PTPRD: variants seen among roughly 807,000 people sequenced by gnomAD.
PTPRD encodes the protein protein tyrosine phosphatase receptor type D.
PTPRD carries 34 observed loss-of-function variants against 214.5 expected under a neutral mutation model. That is an observed-to-expected ratio of 0.16 (90% CI 0.12 to 0.21). PTPRD has a LOEUF of 0.21. Ranked by LOEUF, PTPRD falls within the 10% of genes least tolerant of loss-of-function variation. PTPRD has a pLI of 1.00. For missense variants in PTPRD, 2,545 were observed against 2,398.7 expected (o/e 1.06, Z -1.27); for synonymous variants, 1,128 against 845.7 (o/e 1.33, Z -5.79).
At chr9:9,278,708 C>T (rs972902098) in intron 9 of PTPRD, among the ~76,000 whole-genome samples, 3 of 151,190 alleles carry the variant, frequency 2.0e-5, no homozygotes, top group Admixed American at 6.6e-5. Context: ...GTCAGACCTG[C>T]GGAATTCTCT....
chr9:10,097,133 T>C (rs1470500126), intron 3 of PTPRD, among the ~76,000 whole-genome samples: 6 of 146,586 alleles, frequency 4.1e-5, no homozygotes, highest in Non-Finnish European at 6.1e-5. Context: ...CTGTTTTGGT[T>C]ACTGTAGCCT....
chr9:9,643,797 T>A (rs2096054884), intron 7 of PTPRD, among the ~76,000 whole-genome samples: 1 of 152,312 alleles, frequency 6.6e-6, no homozygotes, highest in African/African-American at 2.4e-5. Context: ...AAGCTACTTT[T>A]CCCAAAACTC....
chr9:9,694,286 A>C (rs1210443911), intron 7 of PTPRD, among the ~76,000 whole-genome samples: 1 of 150,686 alleles, frequency 6.6e-6, no homozygotes, highest in Non-Finnish European at 1.5e-5. Context: ...CCCAAGCATA[A>C]TCCTGTGGTT....
chr9:8,822,117 G>C (rs2097081034), intron 11 of PTPRD, among the ~76,000 whole-genome samples: 1 of 152,202 alleles, frequency 6.6e-6, no homozygotes, highest in African/African-American at 2.4e-5. Context: ...GTTTTGCTTA[G>C]TAAGCATTTT....
At chr9:9,853,229 G>A (rs1260153814) in intron 5 of PTPRD, among the ~76,000 whole-genome samples, 1 of 152,214 alleles carries the variant, frequency 6.6e-6, no homozygotes, top group East Asian at 1.9e-4. Context: ...ATGGTTATAA[G>A]CAGCATAGGA....
intron 6 of PTPRD, among the ~76,000 whole-genome samples, chr9:9,741,303 CAG>C (rs2098398500): frequency 6.6e-6 from 1 of 151,950 alleles, no homozygotes; most frequent in African/African-American, 2.4e-5. Context: ...AAGAAGGACA[CAG>C]AATTAATAAC....
intron 11 of PTPRD, among the ~76,000 whole-genome samples, chr9:8,805,253 AAAAATTTGAGT>A (rs2096652302): frequency 6.6e-6 from 1 of 152,024 alleles, no homozygotes; most frequent in Non-Finnish European, 1.5e-5. Flanking sequence ...CTAAAGTTCC[AAAAATTTGAGT>A]AGCTCAAGTC....
chr9:9,465,354 G>T (rs1405002092), intron 8 of PTPRD, among the ~76,000 whole-genome samples: 1 of 152,172 alleles, frequency 6.6e-6, no homozygotes, highest in East Asian at 1.9e-4. Flanking sequence ...TAATGAATTT[G>T]CTTGAATCCC....
At chr9:8,527,395 T>C (rs752013559) in intron 15 of PTPRD, 42 bp from the exon 16 acceptor site, 1 of 1,573,648 alleles carries the variant, frequency 6.4e-7, no homozygotes, top group Admixed American at 1.7e-5. Context: ...AGCATAAAAA[T>C]ATTATTATAT....
intron 12 of PTPRD, among the ~76,000 whole-genome samples, chr9:8,731,898 C>T (rs898530797): frequency 6.6e-6 from 1 of 152,188 alleles, no homozygotes. Flanking sequence ...AAGTTGAAGC[C>T]TGCTTCCTCT....
intron 8 of PTPRD, among the ~76,000 whole-genome samples, chr9:9,494,802 AG>A (rs2096093567): frequency 6.6e-6 from 1 of 152,254 alleles, no homozygotes; most frequent in African/African-American, 2.4e-5. Flanking sequence ...TTGCAGAAAT[AG>A]GAAACCCAAC....
chr9:10,360,976 C>T (rs979208957), intron 2 of PTPRD, among the ~76,000 whole-genome samples: 1 of 152,068 alleles, frequency 6.6e-6, no homozygotes, highest in Non-Finnish European at 1.5e-5. Flanking sequence ...GTGCCGGGCG[C>T]CTGTAGTCCC....
chr9:10,024,794 C>T (rs1473339191), intron 4 of PTPRD, among the ~76,000 whole-genome samples: 3 of 114,916 alleles, frequency 2.6e-5, no homozygotes, highest in Admixed American at 1.1e-4. Context: ...CCCCACCCCA[C>T]AACAGGCCCC....
chr9:8,983,560 A>G (rs1022789233), intron 11 of PTPRD, among the ~76,000 whole-genome samples: 4 of 151,106 alleles, frequency 2.6e-5, no homozygotes, highest in Non-Finnish European at 4.4e-5. Context: ...TCTCTGGCCC[A>G]GGCTGGAGTG....
chr9:10,390,508 A>G (rs2098037164), intron 2 of PTPRD, among the ~76,000 whole-genome samples: 1 of 151,870 alleles, frequency 6.6e-6, no homozygotes, highest in Admixed American at 6.6e-5. Context: ...CAGTAACAGT[A>G]GTCCTCTCCG....
intron 5 of PTPRD, among the ~76,000 whole-genome samples, chr9:9,784,142 G>A (rs1368884823): frequency 6.6e-6 from 1 of 152,036 alleles, no homozygotes; most frequent in Non-Finnish European, 1.5e-5. Flanking sequence ...TGCTGTTAAT[G>A]TTTATAAAAG....
chr9:8,497,158 G>A (rs1046488330), intron 26 of PTPRD, 84 bp downstream of exon 26: 2 of 1,194,312 alleles, frequency 1.7e-6, no homozygotes, highest in African/African-American at 1.6e-5. Context: ...AAACTGTGAT[G>A]ACAGATCACA....
intron 35 of PTPRD, 121 bp downstream of exon 35, chr9:8,436,471 T>C (rs1324282633): frequency 4.4e-6 from 3 of 680,006 alleles, no homozygotes; most frequent in East Asian, 5.5e-5. Flanking sequence ...TACATTTTTA[T>C]ATCATATTTG....
intron 2 of PTPRD, among the ~76,000 whole-genome samples, chr9:10,388,101 A>G (rs989866626): frequency 2.0e-5 from 3 of 151,804 alleles, no homozygotes; most frequent in African/African-American, 7.2e-5. Context: ...AACATGATAA[A>G]TACCATTTCT....
Sources: allele counts gnomAD v4.1 joint callset (sites outside exome capture counted in the v4.1 genomes callset), GRCh38; gene constraint gnomAD v4.1.1; transcripts MANE v1.5; gene names NCBI Gene and HGNC (gene_info 2026-07-23, HGNC 2026-07-21).